DHX57: variants seen among roughly 807,000 people sequenced by gnomAD.
DHX57 encodes the protein putative ATP-dependent RNA helicase DHX57.
DHX57 carries 105 observed loss-of-function variants against 156.2 expected under a neutral mutation model. The observed-to-expected ratio is 0.67, with a 90% CI of 0.57 to 0.79. The LOEUF (loss-of-function observed/expected upper bound fraction) is 0.79, where lower values mean the gene tolerates loss of function less well. Ranked by LOEUF, DHX57 falls within the 30% of genes least tolerant of loss-of-function variation. The probability of loss-of-function intolerance (pLI) is 0.00; values close to 1 mark genes in which losing one functional copy is unlikely to be tolerated. For synonymous variants in DHX57, 704 were observed against 595.6 expected (o/e 1.18, Z -2.65); for missense variants, 1,847 against 1,661.9 (o/e 1.11, Z -1.94).
At chr2:38,816,267 T>G (rs1393787639) in intron 19 of DHX57, 1 of 461,882 alleles carries the variant, frequency 2.2e-6, no homozygotes, top group Admixed American at 2.4e-5. Flanking sequence ...CAGGCTGGAG[T>G]GCAGTGGCGC....
In DHX57 at chr2:38,866,229, T is replaced by C. The variant is rs1195975790; in HGVS notation, c.224+1953A>G. Reference sequence around the variant, plus strand: ...CTTCATGTAAAAGCCAAAGTCCTAATAATGGCCCATGAAGTCCTATACAGT... The same window carrying C: ...CTTCATGTAAAAGCCAAAGTCCTAACAATGGCCCATGAAGTCCTATACAGT... On this transcript the variant is annotated intron_variant, in intron 2 of 23. Coordinates refer to ENST00000457308, the MANE Select transcript of DHX57 (RefSeq NM_198963.3). Among the ~76,000 whole-genome samples the C allele has an allele frequency of 2.0e-5, 3 of 152,364 alleles. No individual in the cohort carries two copies. The East Asian group carries it at 5.8e-4, about 29-fold the overall frequency.
intron 12 of DHX57, chr2:38,838,803 C>T (rs1176681578): frequency 4.4e-6 from 2 of 456,526 alleles, no homozygotes; most frequent in South Asian, 3.1e-5. Flanking sequence ...GTAATATCTT[C>T]ATTAACACCC....
At chr2:38,854,872 T>G (rs567162097) in intron 8 of DHX57, 185 bp downstream of exon 8, 1 of 601,640 alleles carries the variant, frequency 1.7e-6, no homozygotes, top group Non-Finnish European at 2.7e-6. Context: ...ATAAGAGTTC[T>G]TATACCAAAA....
Position 38,861,123 on chromosome 2 carries a change from G to C in DHX57, c.1287C>G (p.His429Gln), listed in dbSNP as rs774946922. ...SEIVKLLTNT[H>Q]HKYSDPPVNF... is the part of the protein sequence containing the mutation. ...TCACAGGAGGGTCACTATACTTGTG[G>C]TGGGTATTCGTTAGTAACTTGACTA... Residue 429 changes from histidine (H) to glutamine (Q), a missense_variant, in exon 5 of 24, where the codon CAC becomes CAG. Physicochemically the swap from His to Gln is conservative, Grantham distance 24. Coordinates refer to ENST00000457308, the MANE Select transcript of DHX57 (RefSeq NM_198963.3). The C allele has an allele frequency of 6.2e-7, 1 of 1,614,094 alleles. No homozygotes were observed. The highest frequency in any genetic ancestry group is 8.5e-7 in the Non-Finnish European group (1 of 1,180,040).
intron 9 of DHX57, among the ~76,000 whole-genome samples, chr2:38,850,173 T>G (rs1418219889): frequency 1.3e-5 from 2 of 152,196 alleles, no homozygotes; most frequent in African/African-American, 2.4e-5. Flanking sequence ...TCTAACAAAG[T>G]AAACATCTAT....
chr2:38,843,019 A>G lies in DHX57; in HGVS notation c.2411T>C (p.Leu804Pro), dbSNP rs758954483. ...AGGCATGTTACCTTTATAGCGGGCCAGGAGCTGCTTAAAATCTAACTGTTG... is the reference window on the plus strand; with the variant it reads ...AGGCATGTTACCTTTATAGCGGGCCGGGAGCTGCTTAAAATCTAACTGTTG... The part of the protein sequence containing the change: ...PDQQLDFKQL[L>P]ARYKGVSKSV... Residue 804 changes from leucine to proline, a missense_variant, in exon 12 of 24, where the codon CTG (leucine) becomes CCG (proline). Physicochemically the swap from Leu to Pro is moderately conservative, Grantham distance 98 (BLOSUM62 -3). Transcript: ENST00000457308. 6.2e-7 allele frequency: 1 copy of G among 1,614,112 alleles called. No individual in the cohort carries two copies. The highest frequency in any genetic ancestry group is 8.5e-7 in the Non-Finnish European group (1 of 1,179,946).
chr2:38,816,024 A>T, intron 19 of DHX57: 1 of 412,940 alleles, frequency 2.4e-6, no homozygotes, highest in Non-Finnish European at 4.9e-6. Context: ...TCCAACTCCA[A>T]GTGCTGCGGC....
chr2:38,798,522 A>G, intron 23 of DHX57, 80 bp from the exon 24 acceptor site: 6 of 1,440,278 alleles, frequency 4.2e-6, no homozygotes, highest in Middle Eastern at 1.8e-4. Context: ...CCAAGTTATG[A>G]TTACCATTAT....
chr2:38,812,770 C>T (rs1305019314), intron 21 of DHX57, among the ~76,000 whole-genome samples: 2 of 151,992 alleles, frequency 1.3e-5, no homozygotes, highest in Non-Finnish European at 2.9e-5. Flanking sequence ...TGACCTCAGG[C>T]GATCCGCCCG....
At position 38,819,087 on chromosome 2, in the gene DHX57, C is replaced by T. The variant is rs370522012; in HGVS notation, c.3349G>A (p.Ala1117Thr). The T allele has an allele frequency of 5.0e-5, 81 of 1,614,154 alleles. No homozygotes were observed. Among genetic ancestry groups the T allele is most frequent in the Non-Finnish European group, 6.7e-5 (79 of 1,180,040 alleles). ...AGAAGGGCCAGATAATCACTGTTTGCGAATGCAAATTCCAGCTTTTTCTGG... is the reference window on the plus strand; with the variant it reads ...AGAAGGGCCAGATAATCACTGTTTGTGAATGCAAATTCCAGCTTTTTCTGG... The part of the protein sequence containing the change: ...ANQKKLEFAF[A>T]NSDYLALLQA... Residue 1117 changes from alanine (A) to threonine (T), a missense_variant, in exon 18 of 24, where the codon GCA (alanine) becomes ACA (threonine). Physicochemically the swap from Ala to Thr is moderately conservative, Grantham distance 58. Transcript: ENST00000457308.
intron 21 of DHX57, chr2:38,810,995 T>C: frequency 1.3e-6 from 1 of 774,806 alleles, no homozygotes; most frequent in South Asian, 1.3e-5. Context: ...ACCCCTTTTT[T>C]ACTCAGTCTT....
Position 38,805,156 on chromosome 2 carries a change from T to C in DHX57, c.3816+1403A>G, listed in dbSNP as rs890069155. Among the ~76,000 whole-genome samples, 19 of 152,210 alleles carry C rather than the reference T, an allele frequency of 1.2e-4. No homozygotes were observed. In the South Asian group the frequency reaches 1.9e-3, roughly 15 times the overall value. Reference sequence around the variant, plus strand: ...TGCAAAACAACAACAACAAAAAGTATATATAAAAAAGGAGGGGGTGTGGAG... The same window carrying C: ...TGCAAAACAACAACAACAAAAAGTACATATAAAAAAGGAGGGGGTGTGGAG... On this transcript the variant is annotated intron_variant, in intron 22 of 23. Coordinates refer to ENST00000457308, the MANE Select transcript of DHX57 (RefSeq NM_198963.3).
chr2:38,804,229 G>A (rs924312393), intron 22 of DHX57, among the ~76,000 whole-genome samples: 6 of 152,120 alleles, frequency 3.9e-5, no homozygotes, highest in African/African-American at 9.7e-5. Context: ...GGTGGCTCAC[G>A]CCTGTAATCC....
chr2:38,856,431 C>G lies in DHX57; in HGVS notation c.1618G>C (p.Glu540Gln). Residue 540 changes from glutamate to glutamine, a missense_variant, in exon 7 of 24, where the codon GAG becomes CAG. Coordinates refer to ENST00000457308, the MANE Select transcript of DHX57 (RefSeq NM_198963.3). Reference sequence around the variant, plus strand: ...TCCCAAGCAGGGAGTGATTGCCTCTCTTGCAGAATGGACTGGAACTGTCTG... The same window carrying G: ...TCCCAAGCAGGGAGTGATTGCCTCTGTTGCAGAATGGACTGGAACTGTCTG... ...ASRQFQSILQ[E>Q]RQSLPAWEER... is the part of the protein sequence containing the mutation. 6.2e-7 allele frequency: 1 copy of G among 1,613,530 alleles called. No individual in the cohort carries two copies. Among genetic ancestry groups the G allele is most frequent in the South Asian group, 1.1e-5 (1 of 91,014 alleles).
intron 9 of DHX57, among the ~76,000 whole-genome samples, chr2:38,848,981 C>A (rs1558391428): frequency 6.6e-6 from 1 of 152,154 alleles, no homozygotes; most frequent in Non-Finnish European, 1.5e-5. Flanking sequence ...CAATCAAAAT[C>A]CCAACAGGAT....
intron 21 of DHX57, among the ~76,000 whole-genome samples, chr2:38,813,230 A>G (rs922460085): frequency 2.0e-5 from 3 of 152,144 alleles, no homozygotes; most frequent in African/African-American, 7.2e-5. Context: ...TTAGTTATAT[A>G]TAGGTTGGCC....
chr2:38,804,131 G>A (rs1183839914), intron 22 of DHX57, among the ~76,000 whole-genome samples: 1 of 152,158 alleles, frequency 6.6e-6, no homozygotes, highest in Non-Finnish European at 1.5e-5. Context: ...CTAGAGTGCT[G>A]TCCCCACTTC....
Position 38,847,042 on chromosome 2 carries a change from C to CA in DHX57, c.2195dup (p.Leu732PhefsTer31), listed in dbSNP as rs749610132. 13 of 1,609,402 alleles carry CA rather than the reference C, an allele frequency of 8.1e-6. No individual in the cohort carries two copies. The highest frequency in any genetic ancestry group is 4.5e-5 in the East Asian group (2 of 44,740). On this transcript the variant is annotated frameshift_variant, in exon 11 of 24. Coordinates refer to ENST00000457308, the MANE Select transcript of DHX57 (RefSeq NM_198963.3). LOFTEE classifies it high-confidence loss of function. ...ACCTTGTCACAGCAATTGCATCTTC[C>CA]AAAAAAAATTGATCAACAGGAAATG...
At chr2:38,871,983 C>G (rs956602012) in intron 1 of DHX57, among the ~76,000 whole-genome samples, 8 of 152,180 alleles carry the variant, frequency 5.3e-5, no homozygotes, top group Non-Finnish European at 8.8e-5. Flanking sequence ...GCTGGGATTA[C>G]AGGCGTGAGC....
Sources: allele counts gnomAD v4.1 joint callset (sites outside exome capture counted in the v4.1 genomes callset), GRCh38; gene constraint gnomAD v4.1.1; transcripts MANE v1.5; gene names NCBI Gene and HGNC (gene_info 2026-07-23, HGNC 2026-07-21).